Variants in STAT3 observed in about 807,000 individuals in gnomAD.
STAT3 encodes the protein signal transducer and activator of transcription 3, also known as DNA-binding protein APRF.
In STAT3, 7 loss-of-function variants were observed where a neutral mutation model predicts 114.3. The observed-to-expected ratio is 0.06, with a 90% CI of 0.03 to 0.11. STAT3 has a LOEUF of 0.11. STAT3 is among the 10% of genes least tolerant of loss of function. The pLI is 1.00. For synonymous variants in STAT3, 331 were observed against 354.5 expected (o/e 0.93, Z 0.74); for missense variants, 364 against 960.9 (o/e 0.38, Z 8.21).
intron 1 of STAT3, among the ~76,000 whole-genome samples, chr17:42,381,048 T>C (rs1015056155): frequency 3.9e-5 from 6 of 152,188 alleles, no homozygotes; most frequent in African/African-American, 1.4e-4. Flanking sequence ...GTTTCCACAA[T>C]TGTGGACAGA....
chr17:42,336,384 G>C (rs910436659), intron 8 of STAT3, among the ~76,000 whole-genome samples: 1 of 152,106 alleles, frequency 6.6e-6, no homozygotes, highest in African/African-American at 2.4e-5. Flanking sequence ...GATCCCTTGA[G>C]CCCAGGAATT....
chr17:42,348,576 C>T, intron 1 of STAT3, 37 bp from the exon 2 acceptor site: 1 of 1,610,416 alleles, frequency 6.2e-7, no homozygotes, highest in Non-Finnish European at 8.5e-7. Flanking sequence ...ACCACAAGTC[C>T]CAGTAGGGGT....
chr17:42,339,349 C>G lies in STAT3; in HGVS notation c.433G>C (p.Glu145Gln). 2 of 1,614,070 alleles carry G rather than the reference C, an allele frequency of 1.2e-6. No individual in the cohort carries two copies. The highest frequency in any genetic ancestry group is 1.7e-6 in the Non-Finnish European group (2 of 1,180,002). Residue 145 changes from glutamate (E) to glutamine (Q), a missense_variant, in exon 5 of 24, where the codon GAG (glutamate) becomes CAG (glutamine). Coordinates refer to ENST00000264657, the MANE Select transcript of STAT3 (RefSeq NM_139276.3). Reference protein sequence around the residue: ...AVVTEKQQMLEQHLQDVRKRV... With the variant: ...AVVTEKQQMLQQHLQDVRKRV... ...TTCCGGACATCCTGAAGGTGCTGCT[C>G]CAGCATCTGCTGCTTCTCCGTCACC...
At chr17:42,384,664 CCCA>C (rs907134972) in intron 1 of STAT3, among the ~76,000 whole-genome samples, 2 of 152,006 alleles carry the variant, frequency 1.3e-5, no homozygotes, top group African/African-American at 4.8e-5. Flanking sequence ...GGGTGATCCT[CCCA>C]CCTTAGTCTC....
chr17:42,363,116 A>G (rs976979899), intron 1 of STAT3, among the ~76,000 whole-genome samples: 5 of 152,180 alleles, frequency 3.3e-5, no homozygotes, highest in African/African-American at 1.2e-4. Context: ...AAAAATAGGT[A>G]TTGAATGAAT....
intron 1 of STAT3, among the ~76,000 whole-genome samples, chr17:42,383,201 C>T (rs548467335): frequency 6.6e-6 from 1 of 152,012 alleles, no homozygotes; most frequent in Non-Finnish European, 1.5e-5. Flanking sequence ...GAACTACAGG[C>T]GTGTGCCACC....
intron 21 of STAT3, among the ~76,000 whole-genome samples, chr17:42,318,263 A>C (rs1460120587): frequency 6.6e-6 from 1 of 152,008 alleles, no homozygotes; most frequent in Non-Finnish European, 1.5e-5. Flanking sequence ...GCTGGATTAC[A>C]GGCATCTGCC....
chr17:42,344,036 T>C (rs2082574914), intron 4 of STAT3, among the ~76,000 whole-genome samples: 1 of 152,230 alleles, frequency 6.6e-6, no homozygotes, highest in Non-Finnish European at 1.5e-5. Context: ...AAGACATCCT[T>C]ATCTTTTGCT....
At chr17:42,373,210 C>T (rs1002827897) in intron 1 of STAT3, among the ~76,000 whole-genome samples, 1 of 152,056 alleles carries the variant, frequency 6.6e-6, no homozygotes, top group Non-Finnish European at 1.5e-5. Context: ...ATTAGCCAGG[C>T]GTGGTGGCAG....
chr17:42,320,382 G>A (rs373268655), intron 21 of STAT3, among the ~76,000 whole-genome samples: 6 of 152,154 alleles, frequency 3.9e-5, no homozygotes, highest in African/African-American at 7.2e-5. Flanking sequence ...GACAAAAATA[G>A]TTTTTTCAAC....
intron 1 of STAT3, among the ~76,000 whole-genome samples, chr17:42,383,937 G>A (rs1466587512): frequency 2.0e-5 from 3 of 152,072 alleles, no homozygotes; most frequent in Non-Finnish European, 4.4e-5. Flanking sequence ...AATCAAACTA[G>A]TCAGGATACC....
chr17:42,367,107 A>G (rs1385021196), intron 1 of STAT3, among the ~76,000 whole-genome samples: 1 of 151,902 alleles, frequency 6.6e-6, no homozygotes, highest in Non-Finnish European at 1.5e-5. Flanking sequence ...GCGCCACTGC[A>G]CTCCAGCCTG....
At chr17:42,369,592 C>T (rs2083993678) in intron 1 of STAT3, among the ~76,000 whole-genome samples, 2 of 152,190 alleles carry the variant, frequency 1.3e-5, no homozygotes, top group African/African-American at 4.8e-5. Flanking sequence ...TGGGCTACAA[C>T]TCAATAACAA....
chr17:42,353,347 C>CAAAAA (rs10659012), intron 1 of STAT3, among the ~76,000 whole-genome samples: 16 of 80,696 alleles, frequency 2.0e-4, no homozygotes, highest in East Asian at 3.4e-4. Flanking sequence ...GACTGCATAT[C>CAAAAA]AAAAAAAAAA....
chr17:42,355,697 C>T (rs1006326650), intron 1 of STAT3, among the ~76,000 whole-genome samples: 2 of 152,074 alleles, frequency 1.3e-5, no homozygotes, highest in African/African-American at 4.8e-5. Flanking sequence ...AACTTATTAC[C>T]GTAAAGATGA....
Position 42,358,933 on chromosome 17 carries a change from C to CTTTTTTTTTTTTTTTTTTTTTTTT in STAT3, c.-23-10395_-23-10394insAAAAAAAAAAAAAAAAAAAAAAAA, listed in dbSNP as rs35099574. Among the ~76,000 whole-genome samples the CTTTTTTTTTTTTTTTTTTTTTTTT allele has an allele frequency of 4.0e-4, 40 of 100,450 alleles. 2 individuals carry two copies. Among genetic ancestry groups the CTTTTTTTTTTTTTTTTTTTTTTTT allele is most frequent in the Non-Finnish European group, 6.4e-4 (34 of 53,344 alleles). The allele number at this position is 100,450 out of a possible 152,430, so 65.9% of individuals were successfully genotyped here. ...GTCTCCCTTTCATGGACATTTCTTA[C>CTTTTTTTTTTTTTTTTTTTTTTTT]TTTTTTTTTTTTTTTTTTTGAGATG... On this transcript the variant is annotated intron_variant, in intron 1 of 23. Coordinates refer to ENST00000264657, the MANE Select transcript of STAT3 (RefSeq NM_139276.3).
Position 42,329,538 on chromosome 17 carries a change from A to AGCTCC in STAT3, c.1233+11_1233+15dup. The AGCTCC allele has an allele frequency of 6.2e-7, 1 of 1,614,048 alleles. No individual in the cohort carries two copies. Among genetic ancestry groups the AGCTCC allele is most frequent in the Non-Finnish European group, 8.5e-7 (1 of 1,179,956 alleles). Reference sequence around the variant, plus strand: ...CAGCCAGAGGCCCTTTGTGAAGGGGAGCTCCTCCCACATACCAAGTGTTTG... The same window carrying AGCTCC: ...CAGCCAGAGGCCCTTTGTGAAGGGGAGCTCCGCTCCTCCCACATACCAAGTGTTTG... On this transcript the variant is annotated intron_variant, in intron 13 of 23. Coordinates refer to ENST00000264657, the MANE Select transcript of STAT3 (RefSeq NM_139276.3).
intron 1 of STAT3, among the ~76,000 whole-genome samples, chr17:42,385,015 A>G (rs1046373463): frequency 1.3e-5 from 2 of 152,206 alleles, no homozygotes; most frequent in African/African-American, 4.8e-5. Flanking sequence ...TGATAACAGA[A>G]AAGTTCTACA....
intron 1 of STAT3, among the ~76,000 whole-genome samples, chr17:42,370,476 CCTCGGGTGATCTGCCCAT>C (rs1198303410): frequency 2.6e-5 from 4 of 151,638 alleles, no homozygotes; most frequent in African/African-American, 4.8e-5. Flanking sequence ...GAATTCCTGA[CCTCGGGTGATCTGCCCAT>C]CTCGGGTGAT....
Sources: gnomAD v4.1 joint callset for allele counts (sites outside exome capture counted in the v4.1 genomes callset) on GRCh38, gnomAD v4.1.1 for gene constraint, MANE v1.5 for transcripts, NCBI Gene and HGNC (gene_info 2026-07-23, HGNC 2026-07-21) for gene names.